SYN3: variants seen among roughly 807,000 people sequenced by gnomAD.
SYN3 encodes the protein synapsin-3.
Under a neutral mutation model 65.8 loss-of-function variants are expected in SYN3, and 35 were observed. The observed-to-expected ratio is 0.53, with a 90% CI of 0.41 to 0.70. The LOEUF (loss-of-function observed/expected upper bound fraction) is 0.70, where lower values mean the gene tolerates loss of function less well. Among genes scored for constraint, SYN3 ranks in the 30% least tolerant of loss-of-function variants. SYN3 has a pLI of 0.00. For missense variants in SYN3, 680 were observed against 749.0 expected, an observed-to-expected ratio of 0.91 and a Z score of 1.08; for synonymous variants, 270 against 292.9, an observed-to-expected ratio of 0.92 and a Z score of 0.80.
chr22:32,908,174 C>T (rs2049954029), intron 4 of SYN3, among the ~76,000 whole-genome samples: 1 of 151,934 alleles, frequency 6.6e-6, no homozygotes, highest in African/African-American at 2.4e-5. Context: ...CAACCTCCGC[C>T]TCCCAGGTTC....
intron 6 of SYN3, among the ~76,000 whole-genome samples, chr22:32,710,784 A>G (rs2060953548): frequency 6.6e-6 from 1 of 152,158 alleles, no homozygotes; most frequent in Non-Finnish European, 1.5e-5. Flanking sequence ...GAAACCAAGC[A>G]GATGCCAGCA....
At chr22:32,920,260 G>A (rs1418961538) in intron 4 of SYN3, among the ~76,000 whole-genome samples, 2 of 152,208 alleles carry the variant, frequency 1.3e-5, no homozygotes, top group African/African-American at 4.8e-5. Context: ...CTCCTCGGGT[G>A]TTTTTCATTC....
At chr22:33,024,291 G>GT (rs2053605282) in intron 1 of SYN3, among the ~76,000 whole-genome samples, 1 of 152,162 alleles carries the variant, frequency 6.6e-6, no homozygotes, top group Non-Finnish European at 1.5e-5. Context: ...CTTTTTTAAT[G>GT]TAAGCATCAA....
At chr22:32,674,014 G>A (rs1286151458) in intron 6 of SYN3, among the ~76,000 whole-genome samples, 1 of 152,278 alleles carries the variant, frequency 6.6e-6, no homozygotes, top group African/African-American at 2.4e-5. Context: ...TAAAGGCGGG[G>A]AGGCTGTTGC....
intron 2 of SYN3, among the ~76,000 whole-genome samples, chr22:32,999,811 G>C (rs2053005247): frequency 6.6e-6 from 1 of 152,130 alleles, no homozygotes; most frequent in African/African-American, 2.4e-5. Flanking sequence ...CCCCACCACA[G>C]GATTATATTA....
intron 6 of SYN3, among the ~76,000 whole-genome samples, chr22:32,742,890 G>A (rs2044817301): frequency 6.6e-6 from 1 of 152,120 alleles, no homozygotes; most frequent in Non-Finnish European, 1.5e-5. Context: ...AAGGTCCCTG[G>A]AACTGTTCTA....
chr22:32,568,011 A>T (rs2058697309), intron 7 of SYN3, among the ~76,000 whole-genome samples: 1 of 152,160 alleles, frequency 6.6e-6, no homozygotes, highest in Non-Finnish European at 1.5e-5. Flanking sequence ...AAGGGACCGG[A>T]CGGTCACAGC....
intron 1 of SYN3, among the ~76,000 whole-genome samples, chr22:33,053,823 A>G (rs998799299): frequency 5.9e-5 from 9 of 152,066 alleles, no homozygotes; most frequent in African/African-American, 2.2e-4. Flanking sequence ...TACTGGATAA[A>G]CTCCATGAGA....
At chr22:32,891,756 C>T (rs541251086) in intron 4 of SYN3, among the ~76,000 whole-genome samples, 3 of 152,014 alleles carry the variant, frequency 2.0e-5, no homozygotes, top group Non-Finnish European at 4.4e-5. Context: ...TACATACTTC[C>T]GTATAACTCA....
chr22:32,697,970 G>A (rs775490537), intron 6 of SYN3, among the ~76,000 whole-genome samples: 9 of 152,046 alleles, frequency 5.9e-5, no homozygotes, highest in East Asian at 1.9e-4. Context: ...CCAGTCCCCC[G>A]GGCCATTCTA....
chr22:32,571,237 T>C (rs114995168), intron 7 of SYN3, among the ~76,000 whole-genome samples: 2,235 of 152,180 alleles, frequency 0.015, 48 homozygotes, highest in African/African-American at 0.049. Context: ...CATCCTCCTT[T>C]CTTCTCCATT....
chr22:32,580,945 T>A (rs561713913), intron 7 of SYN3, among the ~76,000 whole-genome samples: 11 of 152,336 alleles, frequency 7.2e-5, no homozygotes, highest in African/African-American at 2.6e-4. Flanking sequence ...ATCTAGTGAA[T>A]GAGAGCCTGC....
intron 1 of SYN3, among the ~76,000 whole-genome samples, chr22:33,030,754 C>T (rs556587706): frequency 5.3e-5 from 8 of 149,938 alleles, no homozygotes; most frequent in African/African-American, 2.0e-4. Flanking sequence ...GAGACAGAGA[C>T]AGAGAAACAG....
intron 6 of SYN3, among the ~76,000 whole-genome samples, chr22:32,863,223 GC>G (rs1398154669): frequency 6.6e-6 from 1 of 152,192 alleles, no homozygotes; most frequent in Non-Finnish European, 1.5e-5. Flanking sequence ...TAGGAGAGGT[GC>G]CCTGCCTTGA....
chr22:32,599,126 T>TAGTGG (rs1222912119), intron 6 of SYN3, among the ~76,000 whole-genome samples: 1 of 152,194 alleles, frequency 6.6e-6, no homozygotes, highest in African/African-American at 2.4e-5. Flanking sequence ...ATTGGGAGTA[T>TAGTGG]AGTGGATATC....
In SYN3 at chr22:32,974,659, TGTGC is replaced by T. The variant is rs547671723; in HGVS notation, c.369+5982_369+5985del. The stretch of plus-strand genomic sequence containing the variant: ...CTCACTAGCATTGTGTGTGTGTGTG[TGTGC>T]ATGTAAGAGGGAGTGTATGAACTAT... On this transcript the variant is annotated intron_variant, in intron 3 of 13. Coordinates refer to ENST00000358763, the MANE Select transcript of SYN3 (RefSeq NM_003490.4). Among the ~76,000 whole-genome samples the T allele has an allele frequency of 8.0e-4, 121 of 152,188 alleles. 5 individuals are homozygous for T. The highest frequency in any genetic ancestry group is 2.4e-4 in the Non-Finnish European group (16 of 68,036).
chr22:32,843,663 G>A (rs2047979380), intron 6 of SYN3, among the ~76,000 whole-genome samples: 1 of 152,144 alleles, frequency 6.6e-6, no homozygotes, highest in African/African-American at 2.4e-5. Flanking sequence ...AACACTTCCA[G>A]ATCCCTCTTT....
chr22:32,890,672 G>A (rs1332236611), intron 4 of SYN3, among the ~76,000 whole-genome samples: 7 of 152,066 alleles, frequency 4.6e-5, no homozygotes, highest in South Asian at 2.1e-4. Context: ...GAGCCACCGC[G>A]CCCGGCCGAT....
rs1426310391 is a variant in SYN3, at chr22:32,535,028, G to A, written c.993-1133C>T. On this transcript the variant is annotated intron_variant, in intron 9 of 13. Transcript: ENST00000358763. ...CTCCTGGTATGTTCCAGGCATTCTGGGCCCGGGGGCTGACTCCTCATTCCC... is the reference window on the plus strand; with the variant it reads ...CTCCTGGTATGTTCCAGGCATTCTGAGCCCGGGGGCTGACTCCTCATTCCC... 3.9e-5 allele frequency among the ~76,000 whole-genome samples: 6 copies of A among 152,152 alleles called. No homozygotes were observed. In the East Asian group the frequency reaches 7.7e-4, roughly 19 times the overall value.
Sources: allele counts gnomAD v4.1 joint callset (sites outside exome capture counted in the v4.1 genomes callset), GRCh38; gene constraint gnomAD v4.1.1; transcripts MANE v1.5; gene names NCBI Gene and HGNC (gene_info 2026-07-23, HGNC 2026-07-21).